PCDHGA6: variants seen among roughly 807,000 people sequenced by gnomAD.
PCDHGA6 encodes the protein protocadherin gamma-A6.
A neutral mutation model predicts 60.6 loss-of-function variants in PCDHGA6; 41 were observed. That is an observed-to-expected ratio of 0.68 (90% CI 0.53 to 0.88). The LOEUF is 0.88. Ranked by LOEUF, PCDHGA6 falls within the 40% of genes least tolerant of loss-of-function variation. The probability of loss-of-function intolerance (pLI) is 0.00; values close to 1 mark genes in which losing one functional copy is unlikely to be tolerated. For synonymous variants in PCDHGA6, 594 were observed against 524.4 expected (o/e 1.13, Z -1.81); for missense variants, 1,312 against 1,203.0 (o/e 1.09, Z -1.34).
intron 1 of PCDHGA6, among the ~76,000 whole-genome samples, chr5:141,449,003 T>A (rs2098622649): frequency 1.3e-5 from 2 of 152,280 alleles, no homozygotes; most frequent in African/African-American, 4.8e-5. Context: ...AAAGCTGTTT[T>A]TTTTAACAGT....
In PCDHGA6 at chr5:141,399,774, C is replaced by T. The variant is rs758550367; in HGVS notation, c.2424+23267C>T. The T allele has an allele frequency of 1.5e-5, 24 of 1,613,116 alleles. No homozygotes were observed. In the South Asian group the frequency reaches 2.4e-4, roughly 16 times the overall value. On this transcript the variant is annotated intron_variant, in intron 1 of 3. Transcript: ENST00000517434. Reference sequence around the variant, plus strand: ...ACGTGAGCCTGCGCGTGTTGGTGGGCGACCGAAACGACAACGCACCGCGGG... The same window carrying T: ...ACGTGAGCCTGCGCGTGTTGGTGGGTGACCGAAACGACAACGCACCGCGGG...
At position 141,454,796 on chromosome 5, in the gene PCDHGA6, A is replaced by ATTTTT. The variant is rs61612330; in HGVS notation, c.2425-39986_2425-39982dup. ...AAGGAAATAATCCTCCATGGTTCTA[A>ATTTTT]TTTTTTTTTTTTTTTTTTTTTTTTT... On this transcript the variant is annotated intron_variant, in intron 1 of 3. Coordinates refer to ENST00000517434, the MANE Select transcript of PCDHGA6 (RefSeq NM_018919.3). 4.5e-3 allele frequency among the ~76,000 whole-genome samples: 350 copies of ATTTTT among 77,444 alleles called. 39 individuals are homozygous for ATTTTT. The highest frequency in any genetic ancestry group is 0.016 in the African/African-American group (266 of 16,872). The allele number at this position is 77,444 out of a possible 152,430, so 50.8% of individuals were successfully genotyped here.
chr5:141,502,028 G>A (rs561260963), intron 2 of PCDHGA6, among the ~76,000 whole-genome samples: 62 of 152,150 alleles, frequency 4.1e-4, no homozygotes, highest in African/African-American at 1.5e-3. Flanking sequence ...TGCAACCCCC[G>A]CCGCTTGCCT....
chr5:141,490,344 AGTGGGGTTGTTTAAT>A lies in PCDHGA6; in HGVS notation c.2425-4459_2425-4445del. The A allele has an allele frequency of 6.2e-7, 1 of 1,614,178 alleles. No individual in the cohort carries two copies. The highest frequency in any genetic ancestry group is 8.5e-7 in the Non-Finnish European group (1 of 1,180,030). ...TAGAGAGCACACCAGTGGGCACAGT[AGTGGGGTTGTTTAAT>A]GTGCGAGACCGGGACTCAGGTAGAA... On this transcript the variant is annotated intron_variant, in intron 1 of 3. Coordinates refer to ENST00000517434, the MANE Select transcript of PCDHGA6 (RefSeq NM_018919.3). This position sits in a 1 kb window ranked among gnomAD's most constrained non-coding sequence, Gnocchi z 5.4.
rs752730619 is a variant in PCDHGA6, at chr5:141,374,101, G to T, written c.18G>T (p.Arg6Ser). The change falls in exon 1 of 4, where the codon AGG (arginine) becomes AGT (serine). Residue 6 changes from arginine to serine, a missense_variant. Coordinates refer to ENST00000517434, the MANE Select transcript of PCDHGA6 (RefSeq NM_018919.3). Reference sequence around the variant, plus strand: ...AGCCAGTAATGGCGCCTCCGCAGAGGCATCCGCAGCGCAGCGAGCAGGTCC... The same window carrying T: ...AGCCAGTAATGGCGCCTCCGCAGAGTCATCCGCAGCGCAGCGAGCAGGTCC... MAPPQ[R>S]HPQRSEQVLL... 2 of 1,565,390 alleles carry T rather than the reference G, an allele frequency of 1.3e-6. No individual in the cohort carries two copies. The highest frequency in any genetic ancestry group is 1.7e-6 in the Non-Finnish European group (2 of 1,154,124).
In PCDHGA6 at chr5:141,375,920, G is replaced by A; in HGVS notation, c.1837G>A (p.Glu613Lys). ...WLSYRLLKAS[E>K]PGLFSVGLHT... is the part of the protein sequence containing the mutation. ...GTCCTACCGCCTGCTCAAGGCCAGC[G>A]AGCCAGGACTTTTCTCAGTGGGCCT... is the stretch of plus-strand genomic sequence containing the variant. The change falls in exon 1 of 4, where the codon GAG becomes AAG. Residue 613 changes from glutamate to lysine, a missense_variant. Physicochemically the swap from Glu to Lys is moderately conservative, Grantham distance 56 (BLOSUM62 1). Coordinates refer to ENST00000517434, the MANE Select transcript of PCDHGA6 (RefSeq NM_018919.3). 1 of 1,613,748 alleles carries A rather than the reference G, an allele frequency of 6.2e-7. No homozygotes were observed. Among genetic ancestry groups the A allele is most frequent in the Admixed American group, 1.7e-5 (1 of 60,032 alleles).
At chr5:141,394,359 G>A in intron 1 of PCDHGA6, 3 of 1,614,204 alleles carry the variant, frequency 1.9e-6, no homozygotes, top group Non-Finnish European at 2.5e-6. Context: ...TGTCCTGTAT[G>A]CGCTGCAATC....
chr5:141,398,026 C>G, intron 1 of PCDHGA6: 2 of 1,446,724 alleles, frequency 1.4e-6, no homozygotes, highest in Admixed American at 2.6e-5. Context: ...TAAACTGGAA[C>G]TGGAACTAAA....
Position 141,512,171 on chromosome 5 carries a change from T to C in PCDHGA6, c.*998T>C, listed in dbSNP as rs140884268. ...GGGCTGAGCTAACAGGACCAATGGA[T>C]TAAACTGGCATTTCAGTCCAAGGAA... On this transcript the variant is annotated 3_prime_UTR_variant, in exon 4 of 4. Transcript: ENST00000517434. 584 of 152,796 alleles carry C rather than the reference T, an allele frequency of 3.8e-3. 5 individuals carry two copies. The highest frequency in any genetic ancestry group is 0.011 in the Admixed American group (167 of 15,298). The allele number at this position is 152,796 out of a possible 1,614,324, so 9.5% of individuals were successfully genotyped here. A position where few individuals can be genotyped will look rare whatever the true frequency, so the allele number is the denominator to read the frequency against.
Position 141,375,610 on chromosome 5 carries a change from C to G in PCDHGA6, c.1527C>G (p.Ser509=). Residue 509 remains serine (S), a synonymous_variant, in exon 1 of 4, where the codon TCC becomes TCG. Coordinates refer to ENST00000517434, the MANE Select transcript of PCDHGA6 (RefSeq NM_018919.3). ...APLSSYVSIN[S]DTGILYALRS... The stretch of plus-strand genomic sequence containing the variant: ...TGTCCTCCTACGTGTCCATCAACTC[C>G]GACACTGGGATTCTGTACGCCCTGC... 6.2e-7 allele frequency: 1 copy of G among 1,614,224 alleles called. No homozygotes were observed. The highest frequency in any genetic ancestry group is 8.5e-7 in the Non-Finnish European group (1 of 1,180,052).
chr5:141,401,689 A>G (rs2094183367), intron 1 of PCDHGA6, among the ~76,000 whole-genome samples: 1 of 152,222 alleles, frequency 6.6e-6, no homozygotes, highest in Non-Finnish European at 1.5e-5. Context: ...ATGGAAGGTG[A>G]ATACAGGATT....
intron 1 of PCDHGA6, among the ~76,000 whole-genome samples, chr5:141,382,057 G>A (rs1777911677): frequency 6.6e-6 from 1 of 151,794 alleles, no homozygotes; most frequent in Non-Finnish European, 1.5e-5. Flanking sequence ...TCAAGCTCCC[G>A]ACCTCAGGTG....
chr5:141,386,359 C>T (rs566341507), intron 1 of PCDHGA6, among the ~76,000 whole-genome samples: 1 of 152,132 alleles, frequency 6.6e-6, no homozygotes, highest in Non-Finnish European at 1.5e-5. Flanking sequence ...AATCTTGATT[C>T]CAGAGACCTT....
In PCDHGA6 at chr5:141,487,218, C is replaced by G. The variant is rs2099641338; in HGVS notation, c.2425-7589C>G. The stretch of plus-strand genomic sequence containing the variant: ...CCAGATCTTCGAGAATCTTCAGCTC[C>G]AAGGGAAGGAGAATCTCGTCTAACC... On this transcript the variant is annotated intron_variant, in intron 1 of 3. Transcript: ENST00000517434. The surrounding 1 kb of genome is among the most constrained non-coding windows in gnomAD (Gnocchi z 5.0). 1 of 1,613,820 alleles carries G rather than the reference C, an allele frequency of 6.2e-7. No homozygotes were observed. The highest frequency in any genetic ancestry group is 1.1e-5 in the South Asian group (1 of 91,078).
In PCDHGA6 at chr5:141,489,261, A is replaced by C; in HGVS notation, c.2425-5546A>C. 6.4e-7 allele frequency: 1 copy of C among 1,551,956 alleles called. No individual in the cohort carries two copies. Among genetic ancestry groups the C allele is most frequent in the East Asian group, 2.2e-5 (1 of 44,450 alleles). Reference sequence around the variant, plus strand: ...GGGTCATGGGGCCCAAGACACTCCCACAGCTCGCTGGGAAATGGCAAGTGC... The same window carrying C: ...GGGTCATGGGGCCCAAGACACTCCCCCAGCTCGCTGGGAAATGGCAAGTGC... On this transcript the variant is annotated intron_variant, in intron 1 of 3. Coordinates refer to ENST00000517434, the MANE Select transcript of PCDHGA6 (RefSeq NM_018919.3). The surrounding 1 kb of genome is among the most constrained non-coding windows in gnomAD (Gnocchi z 4.5).
At chr5:141,385,328 G>A (rs767891948) in intron 1 of PCDHGA6, 13 of 1,588,314 alleles carry the variant, frequency 8.2e-6, no homozygotes, top group Middle Eastern at 1.7e-4. Flanking sequence ...ATTCAGGTGA[G>A]CCCAGCCCTT....
intron 1 of PCDHGA6, among the ~76,000 whole-genome samples, chr5:141,447,983 G>A (rs1311439824): frequency 6.6e-6 from 1 of 151,972 alleles, no homozygotes; most frequent in Non-Finnish European, 1.5e-5. Context: ...CTACTCGGGA[G>A]GCTGAGGCAT....
At chr5:141,378,836 C>T (rs912790603) in intron 1 of PCDHGA6, 1 of 152,138 alleles carries the variant, frequency 6.6e-6, no homozygotes, top group African/African-American at 2.4e-5. Flanking sequence ...CAGAAAACAG[C>T]AGAGTTTTTG....
At chr5:141,461,007 A>G (rs965754689) in intron 1 of PCDHGA6, among the ~76,000 whole-genome samples, 1 of 151,418 alleles carries the variant, frequency 6.6e-6, no homozygotes, top group Non-Finnish European at 1.5e-5. Flanking sequence ...GTGTATATAT[A>G]TATACCACAT....
Sources: gnomAD v4.1 joint callset for allele counts (sites outside exome capture counted in the v4.1 genomes callset) on GRCh38, gnomAD v4.1.1 for gene constraint, Gnocchi (gnomAD v3.1) non-coding constraint, MANE v1.5 for transcripts, NCBI Gene and HGNC (gene_info 2026-07-23, HGNC 2026-07-21) for gene names.